Variants in FRMPD1 observed in about 807,000 individuals in gnomAD.
The protein encoded by FRMPD1 is FERM and PDZ domain containing 1, also known as FERM and PDZ domain-containing protein 1.
In FRMPD1, 76 loss-of-function variants were observed where a neutral mutation model predicts 117.8. The ratio of observed to expected loss-of-function variants is 0.65; its 90% confidence interval spans 0.54 to 0.78. The LOEUF is 0.78. Among genes scored for constraint, FRMPD1 ranks in the 30% least tolerant of loss-of-function variants. FRMPD1 has a pLI of 0.00. For synonymous variants in FRMPD1, 783 were observed against 770.4 expected, an observed-to-expected ratio of 1.02 and a Z score of -0.27; for missense variants, 1,786 against 1,964.5, an observed-to-expected ratio of 0.91 and a Z score of 1.72.
At chr9:37,739,623 C>T (rs1824287446) in intron 14 of FRMPD1, among the ~76,000 whole-genome samples, 1 of 152,132 alleles carries the variant, frequency 6.6e-6, no homozygotes, top group African/African-American at 2.4e-5. Context: ...TCAGGCCCCA[C>T]TTCTAGCGAT....
At chr9:37,696,605 G>A (rs537556771) in intron 2 of FRMPD1, among the ~76,000 whole-genome samples, 1 of 152,282 alleles carries the variant, frequency 6.6e-6, no homozygotes, top group East Asian at 1.9e-4. Flanking sequence ...TAAACAAGAA[G>A]TGTTAGAAAT....
At chr9:37,673,194 G>A (rs2117853820) in intron 1 of FRMPD1, among the ~76,000 whole-genome samples, 1 of 152,318 alleles carries the variant, frequency 6.6e-6, no homozygotes, top group African/African-American at 2.4e-5. Context: ...GGGGGTACAT[G>A]TATTGGGTAA....
chr9:37,616,984 G>A, the FRMPD1 span, among the ~76,000 whole-genome samples: 2 of 152,194 alleles, frequency 1.3e-5, no homozygotes, highest in Non-Finnish European at 2.9e-5. Context: ...GATGTACAAG[G>A]ACCCATTCTT....
chr9:37,733,412 C>G (rs1823979859), intron 10 of FRMPD1, 61 bp from the exon 11 acceptor site: 3 of 1,528,474 alleles, frequency 2.0e-6, no homozygotes, highest in Admixed American at 4.0e-5. Context: ...TAATTATGCT[C>G]TTCATTAGAG....
Position 37,745,553 on chromosome 9 carries a change from C to T in FRMPD1, c.3521C>T (p.Pro1174Leu), listed in dbSNP as rs200602863. Residue 1174 changes from proline to leucine, a missense_variant, in exon 16 of 16, where the codon CCA (proline) becomes CTA (leucine). Physicochemically the swap from Pro to Leu is moderately conservative, Grantham distance 98. Transcript: ENST00000377765. ...CCTGTAACAGGGACCGAGCAGATCC[C>T]ACCACATCCCCCTAGAGACCCTCAA... ...DAPVTGTEQI[P>L]PHPPRDPQGQ... The T allele has an allele frequency of 1.2e-4, 188 of 1,613,970 alleles. No individual in the cohort carries two copies. Among genetic ancestry groups the T allele is most frequent in the Non-Finnish European group, 1.5e-4 (172 of 1,179,974 alleles).
chr9:37,694,134 A>G (rs144166637), intron 2 of FRMPD1, among the ~76,000 whole-genome samples: 1 of 152,278 alleles, frequency 6.6e-6, no homozygotes, highest in Non-Finnish European at 1.5e-5. Context: ...ATGAATGGAA[A>G]AACTGCTAAG....
At chr9:37,612,409 C>T in the FRMPD1 span, among the ~76,000 whole-genome samples, 2 of 152,126 alleles carry the variant, frequency 1.3e-5, no homozygotes, top group Non-Finnish European at 1.5e-5. Context: ...AGTGCAGTGG[C>T]GTGATCTCGG....
rs769467183 is a variant in FRMPD1 at position 37,745,157 on chromosome 9, T to G, written c.3125T>G (p.Leu1042Arg). The G allele has an allele frequency of 6.2e-7, 1 of 1,614,052 alleles. No individual in the cohort carries two copies. Among genetic ancestry groups the G allele is most frequent in the East Asian group, 2.2e-5 (1 of 44,874 alleles). Reference protein sequence around the residue: ...GLNNVSQGDTLELQLEPHVQL... With the variant: ...GLNNVSQGDTRELQLEPHVQL... Reference sequence around the variant, plus strand: ...AATAATGTCTCTCAAGGAGACACACTAGAGCTCCAGTTGGAGCCCCATGTC... The same window carrying G: ...AATAATGTCTCTCAAGGAGACACACGAGAGCTCCAGTTGGAGCCCCATGTC... The change falls in exon 16 of 16, where the codon CTA becomes CGA. Residue 1042 changes from leucine to arginine, a missense_variant. Physicochemically the swap from Leu to Arg is moderately radical, Grantham distance 102. Coordinates refer to ENST00000377765, the MANE Select transcript of FRMPD1 (RefSeq NM_014907.3).
intron 1 of FRMPD1, among the ~76,000 whole-genome samples, chr9:37,687,924 G>C (rs1200111146): frequency 3.3e-5 from 5 of 152,182 alleles, no homozygotes; most frequent in African/African-American, 1.2e-4. Context: ...AAAATACAAA[G>C]TGCAGACTAC....
At chr9:37,679,585 C>A (rs1821650251) in intron 1 of FRMPD1, among the ~76,000 whole-genome samples, 1 of 152,248 alleles carries the variant, frequency 6.6e-6, no homozygotes, top group Non-Finnish European at 1.5e-5. Context: ...CTACAGAGTT[C>A]CCTACTGGAC....
At chr9:37,671,699 C>T (rs547216872) in intron 1 of FRMPD1, among the ~76,000 whole-genome samples, 4 of 152,286 alleles carry the variant, frequency 2.6e-5, no homozygotes, top group African/African-American at 9.6e-5. Context: ...GGCACAGTGA[C>T]TCACTCCTGT....
chr9:37,620,782 A>G, the FRMPD1 span, among the ~76,000 whole-genome samples: 23 of 151,906 alleles, frequency 1.5e-4, no homozygotes, highest in Admixed American at 1.0e-3. Flanking sequence ...GTTTCCTGCT[A>G]TTCCAGGCCC....
the FRMPD1 span, among the ~76,000 whole-genome samples, chr9:37,627,090 GTTTC>G: frequency 0.59 from 90,183 of 151,884 alleles, 27,832 homozygotes; most frequent in Non-Finnish European, 0.68. Context: ...TCCCAGAGCT[GTTTC>G]TTTCAGCTCC....
rs1369895839 is a variant in FRMPD1, at chr9:37,739,490, G to A, written c.1550-588G>A. On this transcript the variant is annotated intron_variant, in intron 14 of 15. Transcript: ENST00000377765. Reference sequence around the variant, plus strand: ...CATTAATCCTTCCTGAGAACCTGCCGCTGGATGAGTTTTCACTGTCCTACA... The same window carrying A: ...CATTAATCCTTCCTGAGAACCTGCCACTGGATGAGTTTTCACTGTCCTACA... Among the ~76,000 whole-genome samples the A allele has an allele frequency of 3.9e-5, 6 of 152,212 alleles. No homozygotes were observed. In the East Asian group the frequency reaches 5.8e-4, roughly 15 times the overall value.
chr9:37,677,880 T>C (rs1429138413), intron 1 of FRMPD1, among the ~76,000 whole-genome samples: 4 of 152,210 alleles, frequency 2.6e-5, no homozygotes, highest in Non-Finnish European at 5.9e-5. Flanking sequence ...TGTATGTGTC[T>C]GACTTCCCTG....
intron 2 of FRMPD1, among the ~76,000 whole-genome samples, chr9:37,703,990 C>G (rs995857472): frequency 1.3e-5 from 2 of 152,134 alleles, no homozygotes; most frequent in Non-Finnish European, 1.5e-5. Context: ...TTTGTGTAGA[C>G]ATTTATTTTC....
Position 37,707,487 on chromosome 9 carries a change from T to G in FRMPD1, c.173T>G (p.Val58Gly), listed in dbSNP as rs1563941369. The G allele has an allele frequency of 1.2e-6, 2 of 1,613,888 alleles. No homozygotes were observed. Among genetic ancestry groups the G allele is most frequent in the Admixed American group, 1.7e-5 (1 of 60,020 alleles). ...TQTLIPVRHT[V>G]KIDKDTLLQD... ...ACCCTCATCCCTGTGCGACACACAG[T>G]AAAGATAGACAAAGACACCCTCCTC... is the stretch of plus-strand genomic sequence containing the variant. The change falls in exon 3 of 16, where the codon GTA becomes GGA. Residue 58 changes from valine to glycine, a missense_variant. By Grantham distance (109) the Val-to-Gly change is moderately radical. Transcript: ENST00000377765.
At chr9:37,654,823 A>G (rs942832270) in intron 1 of FRMPD1, among the ~76,000 whole-genome samples, 5 of 152,234 alleles carry the variant, frequency 3.3e-5, no homozygotes, top group Non-Finnish European at 5.9e-5. Flanking sequence ...CCTTCAATAC[A>G]GAATTATATA....
At chr9:37,726,479 A>G (rs1041728930) in intron 7 of FRMPD1, among the ~76,000 whole-genome samples, 1 of 152,020 alleles carries the variant, frequency 6.6e-6, no homozygotes, top group Non-Finnish European at 1.5e-5. Context: ...GGGTGGATCA[A>G]CTGAGGTCAG....
Sources: gnomAD v4.1 joint callset for allele counts (sites outside exome capture counted in the v4.1 genomes callset) on GRCh38, gnomAD v4.1.1 for gene constraint, MANE v1.5 for transcripts, NCBI Gene and HGNC (gene_info 2026-07-23, HGNC 2026-07-21) for gene names.